Variants in FAM114A1 observed in about 807,000 individuals in gnomAD.
FAM114A1 encodes family with sequence similarity 114 member A1, also known as protein NOXP20.
FAM114A1 carries 62 observed loss-of-function variants against 64.3 expected under a neutral mutation model. The observed-to-expected ratio is 0.96, with a 90% CI of 0.79 to 1.19. The LOEUF (loss-of-function observed/expected upper bound fraction) is 1.19, where lower values mean the gene tolerates loss of function less well. FAM114A1 is among the 50% of genes most tolerant of loss of function. The pLI is 0.00. For synonymous variants in FAM114A1, 254 were observed against 251.1 expected (o/e 1.01, Z -0.11); for missense variants, 645 against 676.3 (o/e 0.95, Z 0.51).
intron 4 of FAM114A1, among the ~76,000 whole-genome samples, chr4:38,902,538 G>A (rs1402420053): frequency 6.6e-6 from 1 of 152,118 alleles, no homozygotes; most frequent in African/African-American, 2.4e-5. Context: ...AGTATAGATG[G>A]TAAATTAAAT....
At chr4:38,897,776 CTAAAAAAAA>C (rs1461200081) in intron 4 of FAM114A1, among the ~76,000 whole-genome samples, 1 of 147,430 alleles carries the variant, frequency 6.8e-6, no homozygotes, top group Non-Finnish European at 1.5e-5. Flanking sequence ...CCCATCTCTA[CTAAAAAAAA>C]AAAATACAAA....
At chr4:38,891,320 G>T (rs1716361586) in intron 3 of FAM114A1, among the ~76,000 whole-genome samples, 1 of 151,448 alleles carries the variant, frequency 6.6e-6, no homozygotes, top group African/African-American at 2.4e-5. Flanking sequence ...CTGCCCCAGA[G>T]TTTAAAAGTT....
Position 38,899,515 on chromosome 4 carries a change from A to G in FAM114A1, c.437-6007A>G, listed in dbSNP as rs142002630. On this transcript the variant is annotated intron_variant, in intron 4 of 14. Transcript: ENST00000358869. ...TGAGCACTGTGATTCCAGGCAGCAC[A>G]TAGCACACAGCACTATCTGTGTGTG... 3.8e-3 allele frequency among the ~76,000 whole-genome samples: 584 copies of G among 152,322 alleles called. 5 individuals carry two copies. Among genetic ancestry groups the G allele is most frequent in the African/African-American group, 0.014 (566 of 41,564 alleles).
intron 9 of FAM114A1, among the ~76,000 whole-genome samples, chr4:38,924,411 GT>G (rs1330559381): frequency 1.3e-5 from 2 of 152,226 alleles, no homozygotes; most frequent in Non-Finnish European, 2.9e-5. Context: ...CGCTGGCAGT[GT>G]TTTGTGCCTG....
At chr4:38,903,561 G>A (rs1225409794) in intron 4 of FAM114A1, among the ~76,000 whole-genome samples, 2 of 152,118 alleles carry the variant, frequency 1.3e-5, no homozygotes, top group African/African-American at 4.8e-5. Context: ...TTTGGAAAAT[G>A]CATATATATA....
chr4:38,922,936 A>G (rs1037993034), intron 9 of FAM114A1, 43 bp downstream of exon 9: 6 of 1,571,316 alleles, frequency 3.8e-6, no homozygotes, highest in Admixed American at 1.9e-5. Context: ...CTGTTGGCAT[A>G]ATCCTTACGA....
At chr4:38,871,702 C>G (rs1257985301) in intron 2 of FAM114A1, among the ~76,000 whole-genome samples, 3 of 152,140 alleles carry the variant, frequency 2.0e-5, no homozygotes, top group African/African-American at 7.2e-5. Context: ...GGTAAGGGCT[C>G]TAGGTTTCCT....
chr4:38,936,296 G>A (rs1440166092), intron 13 of FAM114A1, among the ~76,000 whole-genome samples: 17 of 151,492 alleles, frequency 1.1e-4, no homozygotes, highest in Non-Finnish European at 2.4e-4. Context: ...GGGTTTCACC[G>A]TGTTAGCCAG....
At chr4:38,925,513 G>A (rs1720022294) in intron 9 of FAM114A1, among the ~76,000 whole-genome samples, 1 of 152,132 alleles carries the variant, frequency 6.6e-6, no homozygotes. Flanking sequence ...TTCCTTGTAA[G>A]CATTATGTTC....
chr4:38,939,886 C>CTTTT (rs545845095), intron 13 of FAM114A1, among the ~76,000 whole-genome samples: 144 of 131,562 alleles, frequency 1.1e-3, no homozygotes, highest in Non-Finnish European at 1.5e-3. Context: ...CACTTTCTTT[C>CTTTT]TTTTTTTTTT....
intron 4 of FAM114A1, among the ~76,000 whole-genome samples, chr4:38,892,845 CA>C (rs1387847868): frequency 3.3e-5 from 5 of 152,234 alleles, no homozygotes; most frequent in Admixed American, 3.3e-4. Flanking sequence ...ACCATGACCA[CA>C]GTGTTAAGGG....
chr4:38,929,117 T>A (rs747279037), intron 9 of FAM114A1, 125 bp from the exon 10 acceptor site: 1 of 715,624 alleles, frequency 1.4e-6, no homozygotes, highest in South Asian at 1.5e-5. Context: ...GCCCAGCGGC[T>A]GGCGGGCAGG....
chr4:38,922,393 G>A (rs1009457091), intron 8 of FAM114A1, among the ~76,000 whole-genome samples: 8 of 152,176 alleles, frequency 5.3e-5, no homozygotes, highest in African/African-American at 1.7e-4. Flanking sequence ...ATAAGTTACC[G>A]AAGGTCATAG....
chr4:38,905,542 A>G lies in FAM114A1; in HGVS notation c.457A>G (p.Lys153Glu). ...AACAGGTCATGGATTGACGGCAGTCAAGGAAAAAGCAGGAGCCACTCTACG... is the reference window on the plus strand; with the variant it reads ...AACAGGTCATGGATTGACGGCAGTCGAGGAAAAAGCAGGAGCCACTCTACG... ...ATVGHGLTAV[K>E]EKAGATLRIH... Residue 153 changes from lysine (K) to glutamate (E), a missense_variant, in exon 5 of 15, where the codon AAG (lysine) becomes GAG (glutamate). Coordinates refer to ENST00000358869, the MANE Select transcript of FAM114A1 (RefSeq NM_138389.4). 1.9e-6 allele frequency: 3 copies of G among 1,614,198 alleles called. No individual in the cohort carries two copies. Among genetic ancestry groups the G allele is most frequent in the Non-Finnish European group, 2.5e-6 (3 of 1,180,014 alleles).
intron 7 of FAM114A1, among the ~76,000 whole-genome samples, chr4:38,911,921 G>A (rs1242215559): frequency 7.0e-6 from 1 of 142,008 alleles, no homozygotes; most frequent in African/African-American, 2.7e-5. Context: ...GAGTGCAGTG[G>A]CGCGATCTTG....
Position 38,908,634 on chromosome 4 carries a change from A to G in FAM114A1, c.700A>G (p.Ile234Val). Residue 234 changes from isoleucine to valine, a missense_variant, in exon 7 of 15, where the codon ATC (isoleucine) becomes GTC (valine). Transcript: ENST00000358869. Reference sequence around the variant, plus strand: ...TGGAGGCCTTGATGCGTTGGAATTCATCGGCAAGAAAACCATGAATGTCCT... The same window carrying G: ...TGGAGGCCTTGATGCGTTGGAATTCGTCGGCAAGAAAACCATGAATGTCCT... Reference protein sequence around the residue: ...LTGGLDALEFIGKKTMNVLAE... With the variant: ...LTGGLDALEFVGKKTMNVLAE... The G allele has an allele frequency of 6.2e-7, 1 of 1,613,562 alleles. No homozygotes were observed. The highest frequency in any genetic ancestry group is 8.5e-7 in the Non-Finnish European group (1 of 1,179,578).
rs183058946 is a variant in FAM114A1, at chr4:38,898,702, A to G, written c.437-6820A>G. Among the ~76,000 whole-genome samples the G allele has an allele frequency of 2.1e-3, 317 of 152,256 alleles. 2 individuals are homozygous for G. The highest frequency in any genetic ancestry group is 6.7e-3 in the African/African-American group (279 of 41,544). ...TAAAGGGAAGTAAGCATCTGATTACAGAGTGGACATCAACCATCATATGGA... is the reference window on the plus strand; with the variant it reads ...TAAAGGGAAGTAAGCATCTGATTACGGAGTGGACATCAACCATCATATGGA... On this transcript the variant is annotated intron_variant, in intron 4 of 14. Transcript: ENST00000358869.
intron 3 of FAM114A1, among the ~76,000 whole-genome samples, chr4:38,889,193 A>T (rs1269539490): frequency 2.0e-5 from 3 of 152,186 alleles, no homozygotes; most frequent in African/African-American, 7.2e-5. Flanking sequence ...AACTCTTCCT[A>T]ATCATAGGTA....
chr4:38,883,062 C>T (rs996367867), intron 3 of FAM114A1, among the ~76,000 whole-genome samples: 2 of 152,242 alleles, frequency 1.3e-5, no homozygotes, highest in African/African-American at 4.8e-5. Context: ...TAGGAACCCA[C>T]TCTACAACCT....
Sources: allele counts gnomAD v4.1 joint callset (sites outside exome capture counted in the v4.1 genomes callset), GRCh38; gene constraint gnomAD v4.1.1; transcripts MANE v1.5; gene names NCBI Gene and HGNC (gene_info 2026-07-23, HGNC 2026-07-21).